COL24A1: variants seen among roughly 807,000 people sequenced by gnomAD.
COL24A1 encodes collagen alpha-1(XXIV) chain.
COL24A1 carries 224 observed loss-of-function variants against 253.9 expected under a neutral mutation model. The ratio of observed to expected loss-of-function variants is 0.88; its 90% CI spans 0.79 to 0.99. The LOEUF (loss-of-function observed/expected upper bound fraction) is 0.99. Among genes scored for constraint, COL24A1 ranks in the 50% least tolerant of loss-of-function variants. The probability of loss-of-function intolerance (pLI) is 0.00; values close to 1 mark genes in which losing one functional copy is unlikely to be tolerated. For missense variants in COL24A1, 2,131 were observed against 2,068.5 expected, an observed-to-expected ratio of 1.03 and a Z score of -0.59; for synonymous variants, 685 against 673.7, an observed-to-expected ratio of 1.02 and a Z score of -0.26.
At chr1:86,022,331 C>A (rs1295814955) in intron 17 of COL24A1, 38 bp from the exon 18 acceptor site, 10 of 1,552,284 alleles carry the variant, frequency 6.4e-6, no homozygotes, top group Non-Finnish European at 8.0e-6. Flanking sequence ...AGTTATTATA[C>A]CACAAAAGGC....
chr1:85,925,088 T>G (rs1050733669), intron 24 of COL24A1, among the ~76,000 whole-genome samples: 11 of 152,142 alleles, frequency 7.2e-5, no homozygotes, highest in African/African-American at 2.4e-4. Flanking sequence ...TCAAAGAGAA[T>G]AAAATACCTA....
chr1:86,125,289 C>G lies in COL24A1; in HGVS notation c.1047G>C (p.Leu349=). 6.2e-7 allele frequency: 1 copy of G among 1,613,624 alleles called. No homozygotes were observed. The highest frequency in any genetic ancestry group is 2.2e-5 in the East Asian group (1 of 44,860). Reference sequence around the variant, plus strand: ...CACTGATGCGATGAGTGGTCACTGACAGGCTGAAATTTGTCTGAGTATCTT... The same window carrying G: ...CACTGATGCGATGAGTGGTCACTGAGAGGCTGAAATTTGTCTGAGTATCTT... ...TEEDTQTNFS[L]SVTTHRISEA... is the part of the protein sequence containing the mutation. Residue 349 remains leucine, a synonymous_variant, in exon 3 of 60, where the codon CTG becomes CTC. Transcript: ENST00000370571.
chr1:85,877,165 C>T lies in COL24A1; in HGVS notation c.2987G>A (p.Gly996Glu). Residue 996 changes from glycine (G) to glutamate (E), a missense_variant, in exon 33 of 60, where the codon GGA (glycine) becomes GAA (glutamate). Gly to Glu is a moderately conservative substitution (Grantham distance 98). Coordinates refer to ENST00000370571, the MANE Select transcript of COL24A1 (RefSeq NM_152890.7). ...RGLPGEPGLR[G>E]LQGDVGPPGE... ...AGGAGGTCCAACATCACCTTGCAGT[C>T]CTCGCAGTCCCTATATTAAAATAAA... 6.2e-7 allele frequency: 1 copy of T among 1,601,296 alleles called. No homozygotes were observed. The highest frequency in any genetic ancestry group is 8.5e-7 in the Non-Finnish European group (1 of 1,174,636).
At chr1:85,985,008 T>C (rs963835544) in intron 20 of COL24A1, among the ~76,000 whole-genome samples, 3 of 151,944 alleles carry the variant, frequency 2.0e-5, no homozygotes, top group Non-Finnish European at 4.4e-5. Flanking sequence ...CTGAGTTATT[T>C]ATATGTGCTA....
intron 20 of COL24A1, among the ~76,000 whole-genome samples, chr1:85,982,659 C>T (rs1693369954): frequency 6.6e-6 from 1 of 152,010 alleles, no homozygotes; most frequent in East Asian, 1.9e-4. Flanking sequence ...CTCCTCTGAA[C>T]TCCCTCCTAC....
chr1:85,938,258 G>A (rs1043542650), intron 24 of COL24A1, among the ~76,000 whole-genome samples: 1 of 147,126 alleles, frequency 6.8e-6, no homozygotes, highest in Admixed American at 6.8e-5. Context: ...ATGTCCCAGT[G>A]GAGGACTCTG....
chr1:85,735,442 AT>A (rs1259477080), intron 58 of COL24A1, among the ~76,000 whole-genome samples: 2 of 151,712 alleles, frequency 1.3e-5, no homozygotes, highest in African/African-American at 4.8e-5. Context: ...TGCCTTCGAG[AT>A]TTTTTTTGTG....
intron 18 of COL24A1, among the ~76,000 whole-genome samples, chr1:86,018,174 A>G (rs1391043670): frequency 3.3e-5 from 5 of 152,218 alleles, no homozygotes; most frequent in Non-Finnish European, 5.9e-5. Context: ...TAATTTAAAT[A>G]AGCCTCAGAT....
intron 19 of COL24A1, among the ~76,000 whole-genome samples, chr1:86,015,422 G>T (rs116606968): frequency 4.5e-4 from 68 of 152,272 alleles, no homozygotes; most frequent in African/African-American, 1.6e-3. Flanking sequence ...AGGGAAGAGA[G>T]AAATAAATAA....
At chr1:85,775,779 T>C (rs573113208) in intron 52 of COL24A1, 70 bp from the exon 53 acceptor site, 3 of 1,277,122 alleles carry the variant, frequency 2.3e-6, no homozygotes, top group Non-Finnish European at 3.3e-6. Flanking sequence ...CTGAGGTCAT[T>C]ATATGTAGAA....
At chr1:86,116,606 G>C (rs531839338) in intron 3 of COL24A1, among the ~76,000 whole-genome samples, 2 of 152,126 alleles carry the variant, frequency 1.3e-5, no homozygotes, top group South Asian at 4.2e-4. Flanking sequence ...AGAGGGAAAT[G>C]AGTAAATTAT....
intron 24 of COL24A1, among the ~76,000 whole-genome samples, chr1:85,945,822 T>C (rs1163410525): frequency 2.0e-5 from 3 of 152,196 alleles, no homozygotes; most frequent in African/African-American, 7.2e-5. Context: ...CTTTATGACT[T>C]ATTTGGTAAA....
At chr1:86,076,912 C>A (rs753910122) in intron 7 of COL24A1, among the ~76,000 whole-genome samples, 95 of 152,172 alleles carry the variant, frequency 6.2e-4, no homozygotes, top group Non-Finnish European at 2.4e-4. Context: ...CTAGGCAATA[C>A]CATTCTGGAC....
chr1:86,029,743 A>G (rs1698383930), intron 14 of COL24A1: 1 of 151,782 alleles, frequency 6.6e-6, no homozygotes, highest in Non-Finnish European at 1.5e-5. Context: ...AGCCTCCTAA[A>G]CAGCAGAGAC....
At chr1:86,005,817 G>GA (rs1432521486) in intron 19 of COL24A1, among the ~76,000 whole-genome samples, 2 of 151,902 alleles carry the variant, frequency 1.3e-5, no homozygotes, top group African/African-American at 2.4e-5. Context: ...CAGAAAAGCA[G>GA]AAAAAAATGA....
At position 86,036,898 on chromosome 1, in the gene COL24A1, C is replaced by G. The variant is rs1057500310; in HGVS notation, c.1951-2975G>C. ...TTGTGTTTTCCTAAAAATACTCTCA[C>G]GTTGCCAAAGGACAAAATGGCCATT... On this transcript the variant is annotated intron_variant, in intron 12 of 59. Transcript: ENST00000370571. 2.4e-4 allele frequency among the ~76,000 whole-genome samples: 37 copies of G among 152,230 alleles called. 1 individual carries two copies.
At chr1:86,008,902 AAT>A (rs1020123810) in intron 19 of COL24A1, among the ~76,000 whole-genome samples, 7 of 103,236 alleles carry the variant, frequency 6.8e-5, no homozygotes, top group Non-Finnish European at 1.2e-4. Context: ...ACAACAAAAA[AAT>A]AAAATGCTTA....
intron 28 of COL24A1, among the ~76,000 whole-genome samples, chr1:85,898,314 C>G (rs1469616736): frequency 6.6e-6 from 1 of 152,134 alleles, no homozygotes; most frequent in Non-Finnish European, 1.5e-5. Flanking sequence ...TTATTAAAAG[C>G]TATTTACTAT....
chr1:85,737,577 T>TG, intron 57 of COL24A1, 72 bp from the exon 58 acceptor site: 96 of 1,085,370 alleles, frequency 8.8e-5, no homozygotes, highest in Non-Finnish European at 1.1e-4. Context: ...TTTTTTTTTT[T>TG]TGAGAGAGAG....
Sources: allele counts gnomAD v4.1 joint callset (sites outside exome capture counted in the v4.1 genomes callset), GRCh38; gene constraint gnomAD v4.1.1; transcripts MANE v1.5; gene names NCBI Gene and HGNC (gene_info 2026-07-23, HGNC 2026-07-21).